The following TRIO variants were observed in gnomAD, a reference collection of about 807,000 sequenced individuals.
The protein encoded by TRIO is triple functional domain protein.
In TRIO, 58 loss-of-function variants were observed where a neutral mutation model predicts 351.9. That is an observed-to-expected ratio of 0.16 (90% CI 0.13 to 0.21). The LOEUF (loss-of-function observed/expected upper bound fraction) is 0.21. Among genes scored for constraint, TRIO ranks in the 10% least tolerant of loss-of-function variants. TRIO has a pLI of 1.00. For synonymous variants in TRIO, 1,758 were observed against 1,595.7 expected (o/e 1.10, Z -2.42); for missense variants, 3,201 against 4,027.8 (o/e 0.79, Z 5.56).
chr5:14,461,115 A>G lies in TRIO; in HGVS notation c.5300A>G (p.Lys1767Arg), dbSNP rs974007643. The G allele has an allele frequency of 6.4e-6, 10 of 1,558,272 alleles. No homozygotes were observed. Among genetic ancestry groups the G allele is most frequent in the South Asian group, 2.4e-5 (2 of 84,550 alleles). Residue 1767 changes from lysine to arginine, a missense_variant, in exon 35 of 57, where the codon AAG becomes AGG. Transcript: ENST00000344204. ...GGGGCCCAGAGCTCGCCGGGCCCCAAGCGGCCGGGCAACACCCTGCGCAAG... is the reference window on the plus strand; with the variant it reads ...GGGGCCCAGAGCTCGCCGGGCCCCAGGCGGCCGGGCAACACCCTGCGCAAG... ...MIGAQSSPGPKRPGNTLRKWL... is the reference protein window; with the variant it reads ...MIGAQSSPGPRRPGNTLRKWL...
chr5:14,407,363 A>G (rs367944294), intron 33 of TRIO, among the ~76,000 whole-genome samples: 3 of 152,238 alleles, frequency 2.0e-5, no homozygotes, highest in African/African-American at 4.8e-5. Context: ...CAGGTCTTAT[A>G]TGGCTATCCC....
intron 2 of TRIO, among the ~76,000 whole-genome samples, chr5:14,274,131 C>A (rs141380474): frequency 6.6e-6 from 1 of 152,128 alleles, no homozygotes; most frequent in African/African-American, 2.4e-5. Flanking sequence ...CCAAAAAACC[C>A]GATAGGTATT....
chr5:14,272,086 A>C (rs565798218), intron 2 of TRIO, among the ~76,000 whole-genome samples: 1 of 152,368 alleles, frequency 6.6e-6, no homozygotes, highest in African/African-American at 2.4e-5. Flanking sequence ...ACTGAGTTTT[A>C]AAAGTAGCAT....
chr5:14,255,025 T>C (rs1022687912), intron 1 of TRIO, among the ~76,000 whole-genome samples: 1 of 152,178 alleles, frequency 6.6e-6, no homozygotes, highest in Non-Finnish European at 1.5e-5. Context: ...TTTATTGTTT[T>C]ATTGGTTCAG....
rs776113677 is a variant in TRIO, at chr5:14,498,292, G to T, written c.8210+41G>T. ...TCCTGGTGGGTTTCGCTGGCTGGGA[G>T]CACCATCTTGTCACTTGGCAACTGG... On this transcript the variant is annotated intron_variant, in intron 52 of 56. Transcript: ENST00000344204. 1.4e-5 allele frequency: 22 copies of T among 1,600,974 alleles called. No homozygotes were observed. The East Asian group carries it at 4.5e-4, about 33-fold the overall frequency.
rs1345683995 is a variant in TRIO at position 14,481,616 on chromosome 5, G to A, written c.6463G>A (p.Asp2155Asn). The A allele has an allele frequency of 6.2e-6, 10 of 1,613,952 alleles. No individual in the cohort carries two copies. The highest frequency in any genetic ancestry group is 8.5e-6 in the Non-Finnish European group (10 of 1,180,024). The part of the protein sequence containing the change: ...MMNVGRLQGF[D>N]GKIVAQGKLL... ...GAACGTGGGGCGGCTGCAAGGATTC[G>A]ACGTAATGCGGCTCTTGTTTTTTAA... Residue 2155 changes from aspartate to asparagine, a missense_variant and splice_region_variant, in exon 45 of 57, where the codon GAC (aspartate) becomes AAC (asparagine). Transcript: ENST00000344204.
At chr5:14,270,347 T>G (rs1795909681) in intron 1 of TRIO, among the ~76,000 whole-genome samples, 3 of 152,182 alleles carry the variant, frequency 2.0e-5, no homozygotes, top group African/African-American at 7.2e-5. Flanking sequence ...TCTCTCCGCC[T>G]TGCCACTGTG....
chr5:14,427,569 A>G (rs1750753847), intron 34 of TRIO, among the ~76,000 whole-genome samples: 1 of 152,184 alleles, frequency 6.6e-6, no homozygotes, highest in South Asian at 2.1e-4. Context: ...AGGACAGAGA[A>G]GCCCTTCACT....
intron 33 of TRIO, among the ~76,000 whole-genome samples, chr5:14,407,225 C>T (rs1396262055): frequency 6.6e-6 from 1 of 152,052 alleles, no homozygotes; most frequent in Admixed American, 6.5e-5. Flanking sequence ...TGGCACAGGG[C>T]GTCTCAATGA....
chr5:14,480,047 G>A (rs200724932), intron 43 of TRIO, 36 bp downstream of exon 43: 1 of 1,597,768 alleles, frequency 6.3e-7, no homozygotes, highest in South Asian at 1.1e-5. Context: ...GGTGTCAGGA[G>A]TGAGTTTGCT....
At chr5:14,330,653 T>C in intron 9 of TRIO, 125 bp from the exon 10 acceptor site, 2 of 1,259,304 alleles carry the variant, frequency 1.6e-6, no homozygotes, top group South Asian at 2.0e-5. Context: ...CCCATTTTTT[T>C]TTCTCGTTTG....
chr5:14,239,091 G>C (rs1379150722), intron 1 of TRIO, among the ~76,000 whole-genome samples: 2 of 152,044 alleles, frequency 1.3e-5, no homozygotes, highest in African/African-American at 4.8e-5. Context: ...GATGTGCCCA[G>C]GGTGTTTTTT....
intron 15 of TRIO, among the ~76,000 whole-genome samples, chr5:14,366,436 A>T (rs1744595105): frequency 6.6e-6 from 1 of 152,188 alleles, no homozygotes; most frequent in Admixed American, 6.5e-5. Context: ...AGAGTTCGTG[A>T]AATAAATTAG....
At position 14,405,004 on chromosome 5, in the gene TRIO, A is replaced by G. The variant is rs188750882; in HGVS notation, c.4717-844A>G. ...ATTATGCTTATATCATAGGAGATTG[A>G]TATTTTCTGTGAGGAAATTAGAAAG... On this transcript the variant is annotated intron_variant, in intron 31 of 56. Coordinates refer to ENST00000344204, the MANE Select transcript of TRIO (RefSeq NM_007118.4). Among the ~76,000 whole-genome samples the G allele has an allele frequency of 3.4e-4, 52 of 151,816 alleles. No homozygotes were observed. The East Asian group carries it at 8.9e-3, about 26-fold the overall frequency.
intron 8 of TRIO, among the ~76,000 whole-genome samples, chr5:14,307,563 T>C (rs1480386066): frequency 6.6e-6 from 1 of 152,238 alleles, no homozygotes; most frequent in Non-Finnish European, 1.5e-5. Flanking sequence ...GTCATCACAG[T>C]GGACAGAGGA....
At chr5:14,368,923 T>C (rs779587954) in intron 17 of TRIO, 24 bp downstream of exon 17, 1 of 1,602,036 alleles carries the variant, frequency 6.2e-7, no homozygotes, top group South Asian at 1.1e-5. Context: ...TTCCCTTCCT[T>C]GAACTCCACT....
chr5:14,470,119 GT>G (rs1305066109), intron 37 of TRIO, among the ~76,000 whole-genome samples: 2 of 152,180 alleles, frequency 1.3e-5, no homozygotes, highest in Non-Finnish European at 2.9e-5. Flanking sequence ...ATCAAACTCT[GT>G]TCCTTAACTA....
intron 1 of TRIO, among the ~76,000 whole-genome samples, chr5:14,264,355 G>C (rs1480046177): frequency 1.3e-5 from 2 of 151,884 alleles, no homozygotes; most frequent in African/African-American, 4.8e-5. Context: ...TATGTGAAGG[G>C]GTAAATTAGC....
At chr5:14,328,933 C>T (rs1264317324) in intron 9 of TRIO, among the ~76,000 whole-genome samples, 2 of 152,024 alleles carry the variant, frequency 1.3e-5, no homozygotes, top group Non-Finnish European at 2.9e-5. Flanking sequence ...GTACAGAGGA[C>T]CACAAGAGGT....
Sources: allele counts gnomAD v4.1 joint callset (sites outside exome capture counted in the v4.1 genomes callset), GRCh38; gene constraint gnomAD v4.1.1; transcripts MANE v1.5; gene names NCBI Gene and HGNC (gene_info 2026-07-23, HGNC 2026-07-21).